ZFHX3: variants seen among roughly 807,000 people sequenced by gnomAD.
ZFHX3 encodes zinc finger homeobox protein 3.
ZFHX3 carries 42 observed loss-of-function variants against 279.1 expected under a neutral mutation model. The observed-to-expected ratio is 0.15, with a 90% CI of 0.12 to 0.19. ZFHX3 has a LOEUF of 0.19. ZFHX3 is among the 10% of genes least tolerant of loss of function. The probability of loss-of-function intolerance (pLI) is 1.00; values close to 1 mark genes in which losing one functional copy is unlikely to be tolerated. For missense variants in ZFHX3, 4,981 were observed against 4,754.0 expected (o/e 1.05, Z -1.40); for synonymous variants, 2,293 against 1,957.8 (o/e 1.17, Z -4.52).
At chr16:73,459,303 GC>G (rs2018430262) in intron 2 of ZFHX3, among the ~76,000 whole-genome samples, 1 of 152,124 alleles carries the variant, frequency 6.6e-6, no homozygotes, top group Non-Finnish European at 1.5e-5. Context: ...TTTTCATACT[GC>G]GATAAAGAAC....
At chr16:72,887,753 G>T (rs556084290) in intron 4 of ZFHX3, among the ~76,000 whole-genome samples, 1 of 151,996 alleles carries the variant, frequency 6.6e-6, no homozygotes, top group African/African-American at 2.4e-5. Context: ...TGGCTTGTGT[G>T]GGTGTGTGAG....
At chr16:72,975,292 CTT>C (rs1178229350) in intron 1 of ZFHX3, among the ~76,000 whole-genome samples, 1 of 152,020 alleles carries the variant, frequency 6.6e-6, no homozygotes, top group East Asian at 1.9e-4. Flanking sequence ...AAATACAAAA[CTT>C]AGCCGGGCAT....
In ZFHX3 at chr16:72,797,574, G is replaced by A; in HGVS notation, c.5108C>T (p.Ser1703Phe). The A allele has an allele frequency of 1.9e-6, 3 of 1,614,084 alleles. No homozygotes were observed. The highest frequency in any genetic ancestry group is 1.7e-5 in the Admixed American group (1 of 60,014). ...ATTGGCCTCTTTGGGCTCTGAAGGG[G>A]AAGCAATGTTGGCACCAATAGGATT... ...LGNPIGANIA[S>F]PSEPKEANRK... The change falls in exon 9 of 10, where the codon TCC becomes TTC. Residue 1703 changes from serine to phenylalanine, a missense_variant. Physicochemically the swap from Ser to Phe is radical, Grantham distance 155. This residue lies in a region of ZFHX3 where 1,751 missense variants were observed against 1,770.0 expected (regional missense o/e 0.99). Coordinates refer to ENST00000268489, the MANE Select transcript of ZFHX3 (RefSeq NM_006885.4).
At chr16:73,435,041 G>T (rs936668096) in intron 3 of ZFHX3, among the ~76,000 whole-genome samples, 5 of 152,126 alleles carry the variant, frequency 3.3e-5, no homozygotes, top group South Asian at 2.1e-4. Context: ...TTAGGATTGT[G>T]GAATCATCCT....
chr16:73,071,428 G>A (rs886204763), intron 8 of ZFHX3, among the ~76,000 whole-genome samples: 2 of 152,106 alleles, frequency 1.3e-5, no homozygotes, highest in African/African-American at 4.8e-5. Flanking sequence ...GAGGGAGGGA[G>A]CACGTGCAAC....
intron 5 of ZFHX3, among the ~76,000 whole-genome samples, chr16:73,162,241 C>T (rs1239380900): frequency 2.6e-5 from 4 of 152,214 alleles, no homozygotes; most frequent in African/African-American, 7.2e-5. Context: ...AGCTCTGCCT[C>T]CTGCCAGACT....
At chr16:73,275,848 A>T (rs865924777) in intron 4 of ZFHX3, among the ~76,000 whole-genome samples, 21 of 152,212 alleles carry the variant, frequency 1.4e-4, no homozygotes, top group Non-Finnish European at 2.1e-4. Context: ...GAAGTGCAGT[A>T]AAGTGAAGCA....
Position 72,793,522 on chromosome 16 carries a change from C to T in ZFHX3, c.9160G>A (p.Asp3054Asn), listed in dbSNP as rs1193260724. 9 of 1,614,172 alleles carry T rather than the reference C, an allele frequency of 5.6e-6. No individual in the cohort carries two copies. The highest frequency in any genetic ancestry group is 1.3e-5 in the African/African-American group (1 of 75,056). Residue 3054 changes from aspartate (D) to asparagine (N), a missense_variant, in exon 9 of 10, where the codon GAC becomes AAC. By Grantham distance (23) the Asp-to-Asn change is conservative (BLOSUM62 1). This residue lies in a region of ZFHX3 where 168 missense variants were observed against 249.1 expected (regional missense o/e 0.67). Coordinates refer to ENST00000268489, the MANE Select transcript of ZFHX3 (RefSeq NM_006885.4). The surrounding 1 kb of genome is among the most constrained non-coding windows in gnomAD (Gnocchi z 4.3). ...TTGTCCAGCTGGCTTCCAATGGTGTCTTTAACTTTGGAGATATGCTGTTGG... is the reference window on the plus strand; with the variant it reads ...TTGTCCAGCTGGCTTCCAATGGTGTTTTTAACTTTGGAGATATGCTGTTGG... The part of the protein sequence containing the change: ...FSQQHISKVK[D>N]TIGSQLDKEK...
Position 73,101,770 on chromosome 16 carries a change from G to A in ZFHX3, c.-896-8172C>T, listed in dbSNP as rs535713106. ...CCTGCTTCTTGACTTCTTTATTTTT[G>A]TTAATGACATCACTGTTTCACAGAC... On this transcript the variant is annotated intron_variant, in intron 7 of 17. Transcript: ENST00000641206. 1.1e-4 allele frequency among the ~76,000 whole-genome samples: 17 copies of A among 151,724 alleles called. No homozygotes were observed. The South Asian group carries it at 3.5e-3, about 32-fold the overall frequency.
intron 2 of ZFHX3, among the ~76,000 whole-genome samples, chr16:73,601,340 C>T (rs1246477332): frequency 6.7e-6 from 1 of 149,202 alleles, no homozygotes; most frequent in Non-Finnish European, 1.5e-5. Flanking sequence ...TGTGGTGGCA[C>T]ATGCCAGTAA....
chr16:73,036,718 G>GA (rs35215740), intron 1 of ZFHX3, among the ~76,000 whole-genome samples: 3,268 of 152,198 alleles, frequency 0.021, 42 homozygotes, highest in Non-Finnish European at 0.031. Flanking sequence ...CGGTCGCTAG[G>GA]AGAAACCAAC....
intron 3 of ZFHX3, among the ~76,000 whole-genome samples, chr16:72,925,535 G>A (rs990156312): frequency 3.3e-5 from 5 of 152,240 alleles, no homozygotes; most frequent in Non-Finnish European, 7.3e-5. Context: ...GTCAAGGACA[G>A]GTGATCCTGA....
intron 4 of ZFHX3, among the ~76,000 whole-genome samples, chr16:73,297,576 T>C (rs1049319151): frequency 2.0e-5 from 3 of 151,990 alleles, no homozygotes; most frequent in Non-Finnish European, 4.4e-5. Flanking sequence ...AATCCTTCTA[T>C]CCACAACCTG....
chr16:73,578,880 AG>A (rs1900662055), intron 2 of ZFHX3, among the ~76,000 whole-genome samples: 1 of 152,152 alleles, frequency 6.6e-6, no homozygotes, highest in African/African-American at 2.4e-5. Flanking sequence ...CAAAATTCTA[AG>A]GCCCCCAGTC....
chr16:73,231,549 T>C (rs1381349447), intron 5 of ZFHX3, among the ~76,000 whole-genome samples: 1 of 152,200 alleles, frequency 6.6e-6, no homozygotes, highest in Non-Finnish European at 1.5e-5. Context: ...CAAGTTCGTG[T>C]TCATTGTCCT....
intron 2 of ZFHX3, among the ~76,000 whole-genome samples, chr16:73,632,249 C>A (rs1383927935): frequency 2.0e-5 from 3 of 152,080 alleles, no homozygotes; most frequent in Non-Finnish European, 4.4e-5. Flanking sequence ...ATGGTTCTTA[C>A]CCTTGAAGTG....
chr16:73,066,530 A>G (rs1186813622), intron 8 of ZFHX3, among the ~76,000 whole-genome samples: 1 of 151,512 alleles, frequency 6.6e-6, no homozygotes, highest in Non-Finnish European at 1.5e-5. Context: ...GAGTCGCCGC[A>G]CTGGGACCCA....
At chr16:72,889,381 T>A (rs933880556) in intron 4 of ZFHX3, among the ~76,000 whole-genome samples, 4 of 151,392 alleles carry the variant, frequency 2.6e-5, no homozygotes, top group Non-Finnish European at 4.4e-5. Flanking sequence ...ACTGGAGGAA[T>A]CTTAGAATAG....
chr16:73,514,774 G>C (rs1344806840), intron 2 of ZFHX3, among the ~76,000 whole-genome samples: 1 of 152,118 alleles, frequency 6.6e-6, no homozygotes, highest in Non-Finnish European at 1.5e-5. Context: ...AAAGTCCAAG[G>C]AGGAAGGCTG....
Sources: gnomAD v4.1 joint callset for allele counts (sites outside exome capture counted in the v4.1 genomes callset) on GRCh38, gnomAD v4.1.1 for gene constraint, gnomAD v4.1.1 regional missense constraint, Gnocchi (gnomAD v3.1) non-coding constraint, MANE v1.5 for transcripts, NCBI Gene and HGNC (gene_info 2026-07-23, HGNC 2026-07-21) for gene names.